The following UTS2 variants were observed in gnomAD, a reference collection of about 807,000 sequenced individuals.
The protein encoded by UTS2 is urotensin-2.
Under a neutral mutation model 12.6 loss-of-function variants are expected in UTS2, and 10 were observed. The observed-to-expected ratio is 0.80, with a 90% confidence interval of 0.49 to 1.35. The LOEUF is 1.35. Among genes scored for constraint, UTS2 ranks in the 40% most tolerant of loss-of-function variants. The pLI is 0.00. For synonymous variants in UTS2, 52 were observed against 50.0 expected (o/e 1.04, Z -0.17); for missense variants, 142 against 143.2 (o/e 0.99, Z 0.04).
At chr1:7,869,688 T>C in the UTS2 span, among the ~76,000 whole-genome samples, 1 of 152,180 alleles carries the variant, frequency 6.6e-6, no homozygotes, top group Non-Finnish European at 1.5e-5. Flanking sequence ...CTGGATTTAG[T>C]CCAGCGGGGG....
the UTS2 span, among the ~76,000 whole-genome samples, chr1:7,894,653 G>A: frequency 1.3e-5 from 2 of 152,052 alleles, no homozygotes; most frequent in Non-Finnish European, 2.9e-5. Flanking sequence ...GAGGCCCATG[G>A]ACCCCACCCT....
chr1:7,866,554 G>A, the UTS2 span, among the ~76,000 whole-genome samples: 2 of 152,128 alleles, frequency 1.3e-5, no homozygotes, highest in Admixed American at 1.3e-4. This position sits in a 1 kb window ranked among gnomAD's most constrained non-coding sequence, Gnocchi z 4.5. Flanking sequence ...TTTCTCCTCT[G>A]CTCATGGTGC....
chr1:7,849,497 T>C (rs2097411659), intron 3 of UTS2, 143 bp downstream of exon 3: 1 of 710,494 alleles, frequency 1.4e-6, no homozygotes, highest in East Asian at 3.6e-5. Flanking sequence ...AGGCATGAGC[T>C]ACCGCGCCTG....
At chr1:7,878,830 T>C in the UTS2 span, among the ~76,000 whole-genome samples, 3 of 152,092 alleles carry the variant, frequency 2.0e-5, no homozygotes, top group Admixed American at 1.3e-4. Context: ...AAAAAACATA[T>C]TCCCTGCAAA....
At chr1:7,883,144 G>C in the UTS2 span, among the ~76,000 whole-genome samples, 2 of 152,130 alleles carry the variant, frequency 1.3e-5, no homozygotes, top group Non-Finnish European at 1.5e-5. Flanking sequence ...TGTCCATCAA[G>C]GGATGAACAG....
the UTS2 span, among the ~76,000 whole-genome samples, chr1:7,878,814 A>G: frequency 1.3e-5 from 2 of 152,196 alleles, no homozygotes; most frequent in Non-Finnish European, 2.9e-5. Flanking sequence ...CTAAAAGTGA[A>G]AGTACAAAAA....
chr1:7,866,707 T>C, the UTS2 span, among the ~76,000 whole-genome samples: 1 of 152,184 alleles, frequency 6.6e-6, no homozygotes, highest in East Asian at 1.9e-4. This position sits in a 1 kb window ranked among gnomAD's most constrained non-coding sequence, Gnocchi z 4.5. Flanking sequence ...CCACCCAGGA[T>C]AGAAGTTCAG....
chr1:7,898,484 T>G, the UTS2 span, among the ~76,000 whole-genome samples: 8,832 of 140,280 alleles, frequency 0.063, 1,279 homozygotes, highest in East Asian at 0.56. Context: ...TTGTTTTTTG[T>G]TTTTTTTTTG....
chr1:7,847,996 T>C (rs2097409610), intron 3 of UTS2, 114 bp from the exon 4 acceptor site: 1 of 756,930 alleles, frequency 1.3e-6, no homozygotes, highest in Admixed American at 2.8e-5. Context: ...TTCTTAAAAG[T>C]ATTTGCATTT....
the UTS2 span, among the ~76,000 whole-genome samples, chr1:7,881,321 A>G: frequency 6.6e-6 from 1 of 152,216 alleles, no homozygotes; most frequent in African/African-American, 2.4e-5. Context: ...AATAAAAGGC[A>G]TCCAAATTGA....
At chr1:7,864,294 C>T in the UTS2 span, among the ~76,000 whole-genome samples, 2 of 152,158 alleles carry the variant, frequency 1.3e-5, no homozygotes, top group Non-Finnish European at 2.9e-5. Flanking sequence ...GGCTCAGGAA[C>T]GGATACTCCA....
the UTS2 span, among the ~76,000 whole-genome samples, chr1:7,874,691 CT>C: frequency 6.6e-6 from 1 of 152,324 alleles, no homozygotes; most frequent in South Asian, 2.1e-4. Flanking sequence ...TCACTGTGCA[CT>C]TGTGATATGG....
rs1259009131 is a variant in UTS2 at position 7,847,864 on chromosome 1, G to C, written c.277C>G (p.Gln93Glu). 1 of 1,611,796 alleles carries C rather than the reference G, an allele frequency of 6.2e-7. No individual in the cohort carries two copies. The highest frequency in any genetic ancestry group is 8.5e-7 in the Non-Finnish European group (1 of 1,179,234). ...TGACTCAGTAAAATGTTAGGATCTTGTCCAGAGAAATCCTGAAACTAAAAC... is the reference window on the plus strand; with the variant it reads ...TGACTCAGTAAAATGTTAGGATCTTCTCCAGAGAAATCCTGAAACTAAAAC... The part of the protein sequence containing the change: ...NLRKFQDFSG[Q>E]DPNILLSHLL... Residue 93 changes from glutamine (Q) to glutamate (E), a missense_variant, in exon 4 of 4, where the codon CAA (glutamine) becomes GAA (glutamate). Transcript: ENST00000361696.
chr1:7,874,730 T>C, the UTS2 span, among the ~76,000 whole-genome samples: 1 of 152,202 alleles, frequency 6.6e-6, no homozygotes, highest in East Asian at 1.9e-4. Flanking sequence ...CCAAATCTCA[T>C]CTCCAGTTGT....
At chr1:7,855,836 C>A (rs1318243297), upstream of UTS2, among the ~76,000 whole-genome samples, 4 of 151,892 alleles carry the variant, frequency 2.6e-5, no homozygotes, top group Non-Finnish European at 5.9e-5. Context: ...ATAGCTGGAA[C>A]CACAGGCACA....
chr1:7,864,279 A>G, the UTS2 span, among the ~76,000 whole-genome samples: 1 of 152,180 alleles, frequency 6.6e-6, no homozygotes, highest in African/African-American at 2.4e-5. Context: ...GATGGTCATC[A>G]TGGGGGCTCA....
At chr1:7,890,967 A>ACCCG in the UTS2 span, among the ~76,000 whole-genome samples, 6 of 135,782 alleles carry the variant, frequency 4.4e-5, 1 homozygote, top group Non-Finnish European at 9.8e-5. Flanking sequence ...GATACCCTCC[A>ACCCG]CCCCCCCCCA....
the UTS2 span, among the ~76,000 whole-genome samples, chr1:7,863,042 T>TGTA: frequency 1.0e-3 from 29 of 28,798 alleles, 1 homozygote; most frequent in South Asian, 6.7e-3. Context: ...TGTATTGTAT[T>TGTA]GTATTGTATT....
At chr1:7,894,856 A>G in the UTS2 span, among the ~76,000 whole-genome samples, 193 of 152,082 alleles carry the variant, frequency 1.3e-3, no homozygotes, top group African/African-American at 4.5e-3. Flanking sequence ...GCACAAGTCC[A>G]GGAGTTCTAG....
Sources: allele counts gnomAD v4.1 joint callset (sites outside exome capture counted in the v4.1 genomes callset), GRCh38; gene constraint gnomAD v4.1.1; non-coding constraint Gnocchi (gnomAD v3.1); transcripts MANE v1.5; gene names NCBI Gene and HGNC (gene_info 2026-07-23, HGNC 2026-07-21).